Variants in PRDM16 observed in about 807,000 individuals in gnomAD.
PRDM16 encodes PR/SET domain 16.
In PRDM16, 23 loss-of-function variants were observed where a neutral mutation model predicts 110.6. The ratio of observed to expected loss-of-function variants is 0.21; its 90% confidence interval spans 0.15 to 0.29. The LOEUF (loss-of-function observed/expected upper bound fraction) is 0.29. Ranked by LOEUF, PRDM16 falls within the 10% of genes least tolerant of loss-of-function variation. The pLI, the probability that PRDM16 is intolerant of heterozygous loss-of-function variation, is 1.00. For synonymous variants in PRDM16, 799 were observed against 781.8 expected, an observed-to-expected ratio of 1.02 and a Z score of -0.37; for missense variants, 1,615 against 1,794.3, an observed-to-expected ratio of 0.90 and a Z score of 1.81.
chr1:3,107,874 T>G (rs1267694657), intron 1 of PRDM16, among the ~76,000 whole-genome samples: 3 of 152,234 alleles, frequency 2.0e-5, no homozygotes, highest in Non-Finnish European at 4.4e-5. Context: ...GACCATGCCA[T>G]GTGTCTAGCC....
At chr1:3,283,039 CTG>C (rs907468481) in intron 3 of PRDM16, among the ~76,000 whole-genome samples, 9 of 152,350 alleles carry the variant, frequency 5.9e-5, no homozygotes, top group Non-Finnish European at 1.0e-4. Flanking sequence ...ACAGGCGAGG[CTG>C]TGAGGCCGGG....
At chr1:3,408,695 CAT>C (rs1643606718) in intron 8 of PRDM16, among the ~76,000 whole-genome samples, 3 of 128,900 alleles carry the variant, frequency 2.3e-5, no homozygotes, top group Admixed American at 7.4e-5. Context: ...TGAGCCGGTG[CAT>C]GTGTTGGCGT....
chr1:3,186,506 C>T (rs749472586), intron 2 of PRDM16, 32 bp downstream of exon 2: 16 of 1,325,530 alleles, frequency 1.2e-5, no homozygotes, highest in South Asian at 5.8e-5. Context: ...TGATTGATCA[C>T]GGCCATTTAT....
At chr1:3,181,194 GGTCTTACACACGGTCTTACACACGCA>G (rs1369972132) in intron 1 of PRDM16, among the ~76,000 whole-genome samples, 3,819 of 117,484 alleles carry the variant, frequency 0.033, 128 homozygotes, top group East Asian at 0.08. Flanking sequence ...GCAGTCTTAC[GGTCTTACACACGGTCTTACACACGCA>G]GTCTTACACA....
Position 3,208,788 on chromosome 1 carries a change from A to G in PRDM16, c.387+22314A>G, listed in dbSNP as rs1239143785. 1 of 152,274 alleles carries G rather than the reference A, an allele frequency of 6.6e-6. No homozygotes were observed. Among genetic ancestry groups the G allele is most frequent in the Non-Finnish European group, 1.5e-5 (1 of 68,080 alleles). The allele number at this position is 152,274 out of a possible 1,614,324, so 9.4% of individuals were successfully genotyped here. ...CCACTGGTCAAAGGTATGGGCCACC[A>G]TCCCCTTTGTGGGGTTTGTCCTTTG... On this transcript the variant is annotated intron_variant, in intron 2 of 16. Coordinates refer to ENST00000270722, the MANE Select transcript of PRDM16 (RefSeq NM_022114.4). This position sits in a 1 kb window ranked among gnomAD's most constrained non-coding sequence, Gnocchi z 6.1.
Position 3,303,692 on chromosome 1 carries a change from T to G in PRDM16, c.438+59555T>G, listed in dbSNP as rs1009536713. 3.3e-5 allele frequency among the ~76,000 whole-genome samples: 5 copies of G among 152,218 alleles called. No homozygotes were observed. In the South Asian group the frequency reaches 1.0e-3, roughly 32 times the overall value. ...CACATTCCCACCAGTAGTGTGAGGG[T>G]CCTAACTTCCCCACATCCTTGCAGA... is the stretch of plus-strand genomic sequence containing the variant. On this transcript the variant is annotated intron_variant, in intron 3 of 16. Transcript: ENST00000270722.
intron 3 of PRDM16, among the ~76,000 whole-genome samples, chr1:3,278,095 G>C (rs1640631764): frequency 6.6e-6 from 1 of 152,230 alleles, no homozygotes; most frequent in Admixed American, 6.5e-5. Flanking sequence ...ACAGTGTGAA[G>C]GCTTCTTCTC....
chr1:3,368,425 T>G (rs1005482912), intron 3 of PRDM16, among the ~76,000 whole-genome samples: 1 of 152,148 alleles, frequency 6.6e-6, no homozygotes, highest in Non-Finnish European at 1.5e-5. Context: ...GACTCTTCTG[T>G]ATCCATGGCT....
At chr1:3,233,388 A>G (rs1222821488) in intron 2 of PRDM16, among the ~76,000 whole-genome samples, 1 of 152,176 alleles carries the variant, frequency 6.6e-6, no homozygotes, top group African/African-American at 2.4e-5. Context: ...GTGTTGGTTT[A>G]AGTGATTGGG....
chr1:3,244,144 G>T lies in PRDM16; in HGVS notation c.438+7G>T, dbSNP rs1198596075. The stretch of plus-strand genomic sequence containing the variant: ...GGAAGGCTGCATCACAAAGGTAGGA[G>T]AGCTCGCCCTGCGCCGTCTCAGCTC... On this transcript the variant is annotated splice_region_variant and intron_variant, in intron 3 of 16. Transcript: ENST00000270722. The surrounding 1 kb of genome is among the most constrained non-coding windows in gnomAD (Gnocchi z 4.1). The T allele has an allele frequency of 6.2e-7, 1 of 1,613,738 alleles. No homozygotes were observed. Among genetic ancestry groups the T allele is most frequent in the Non-Finnish European group, 8.5e-7 (1 of 1,179,938 alleles).
intron 1 of PRDM16, among the ~76,000 whole-genome samples, chr1:3,093,531 C>T (rs1642324326): frequency 6.6e-6 from 1 of 152,014 alleles, no homozygotes; most frequent in Non-Finnish European, 1.5e-5. Flanking sequence ...TGCTCTCTGC[C>T]TCTGGGCGCC....
chr1:3,248,098 CATT>C (rs1639836679), intron 3 of PRDM16, among the ~76,000 whole-genome samples: 1 of 152,210 alleles, frequency 6.6e-6, no homozygotes, highest in African/African-American at 2.4e-5. Flanking sequence ...GGATGGAAGA[CATT>C]ATTAAGGCTC....
intron 3 of PRDM16, among the ~76,000 whole-genome samples, chr1:3,311,588 T>G (rs74048222): frequency 0.099 from 15,137 of 152,200 alleles, 865 homozygotes; most frequent in African/African-American, 0.15. Context: ...CATTTAATCC[T>G]TGGCCTGACC....
chr1:3,074,557 C>T (rs1641848661), intron 1 of PRDM16, among the ~76,000 whole-genome samples: 1 of 151,204 alleles, frequency 6.6e-6, no homozygotes, highest in Admixed American at 6.6e-5. Context: ...CTCACACCTG[C>T]AGGCTGGACT....
chr1:3,120,645 G>A (rs748185105), intron 1 of PRDM16, among the ~76,000 whole-genome samples: 7 of 152,226 alleles, frequency 4.6e-5, no homozygotes, highest in Non-Finnish European at 8.8e-5. Context: ...GCGGGAGGAT[G>A]CCTGCCCTTG....
At position 3,190,284 on chromosome 1, in the gene PRDM16, C is replaced by T. The variant is rs563659913; in HGVS notation, c.387+3810C>T. Among the ~76,000 whole-genome samples the T allele has an allele frequency of 6.7e-5, 10 of 149,462 alleles. No homozygotes were observed. In the East Asian group the frequency reaches 1.4e-3, roughly 20 times the overall value. The stretch of plus-strand genomic sequence containing the variant: ...TCGTGGGGCAGCCTTACTTCAAGGT[C>T]GTGGGGCAGCCTTACTTTAAGTGGG... On this transcript the variant is annotated intron_variant, in intron 2 of 16. Coordinates refer to ENST00000270722, the MANE Select transcript of PRDM16 (RefSeq NM_022114.4). This position sits in a 1 kb window ranked among gnomAD's most constrained non-coding sequence, Gnocchi z 5.0.
chr1:3,167,411 G>T (rs1370094970), intron 1 of PRDM16, among the ~76,000 whole-genome samples: 2 of 152,146 alleles, frequency 1.3e-5, no homozygotes, highest in African/African-American at 4.8e-5. Context: ...GGGCCTGGTG[G>T]CTGGGGGCTG....
rs28708839 is a variant in PRDM16, at chr1:3,248,971, T to G, written c.438+4834T>G. ...GGGAGCGAGACAGACAGGCAACTGC[T>G]AAGTGTCTTTTGTGCAGCAGTTACT... On this transcript the variant is annotated intron_variant, in intron 3 of 16. Transcript: ENST00000270722. Among the ~76,000 whole-genome samples, 1,481 of 152,298 alleles carry G rather than the reference T, an allele frequency of 9.7e-3. 23 individuals are homozygous for G. Among genetic ancestry groups the G allele is most frequent in the African/African-American group, 0.034 (1,400 of 41,562 alleles).
At position 3,069,929 on chromosome 1, in the gene PRDM16, T is replaced by A. The variant is rs1641706983; in HGVS notation, c.37+633T>A. 6.6e-6 allele frequency among the ~76,000 whole-genome samples: 1 copy of A among 151,772 alleles called. No individual in the cohort carries two copies. The highest frequency in any genetic ancestry group is 2.1e-4 in the South Asian group (1 of 4,820). On this transcript the variant is annotated intron_variant, in intron 1 of 16. Transcript: ENST00000270722. This position sits in a 1 kb window ranked among gnomAD's most constrained non-coding sequence, Gnocchi z 6.1. ...GCGACGGCGGGACAGCCGCAGCCAC[T>A]TGGGGAGCAAAATGGAGACTTTTGC...
Sources: allele counts gnomAD v4.1 joint callset (sites outside exome capture counted in the v4.1 genomes callset), GRCh38; gene constraint gnomAD v4.1.1; non-coding constraint Gnocchi (gnomAD v3.1); transcripts MANE v1.5; gene names NCBI Gene and HGNC (gene_info 2026-07-23, HGNC 2026-07-21).